PTHLH: variants seen among roughly 807,000 people sequenced by gnomAD.
The protein encoded by PTHLH is parathyroid hormone like hormone, also known as parathyroid hormone-related protein.
Under a neutral mutation model 18.6 loss-of-function variants are expected in PTHLH, and 5 were observed. That is an observed-to-expected ratio of 0.27 (90% CI 0.14 to 0.56). The LOEUF is 0.56. Ranked by LOEUF, PTHLH falls within the 20% of genes least tolerant of loss-of-function variation. The probability of loss-of-function intolerance (pLI) is 0.92; values close to 1 mark genes in which losing one functional copy is unlikely to be tolerated. For missense variants in PTHLH, 207 were observed against 223.9 expected, an observed-to-expected ratio of 0.92 and a Z score of 0.48; for synonymous variants, 90 against 94.0, an observed-to-expected ratio of 0.96 and a Z score of 0.25.
rs1486664242 is a variant in PTHLH at position 27,962,037 on chromosome 12, T to G, written c.524+1311A>C. Reference sequence around the variant, plus strand: ...GAAAAAAAAATCATTTCAATGGAAATGCATCGATAAAGAAGCAGGGCAAAC... The same window carrying G: ...GAAAAAAAAATCATTTCAATGGAAAGGCATCGATAAAGAAGCAGGGCAAAC... On this transcript the variant is annotated intron_variant, in intron 5 of 5. Transcript: ENST00000545234. 6 of 636,498 alleles carry G rather than the reference T, an allele frequency of 9.4e-6. No individual in the cohort carries two copies. In the African/African-American group the frequency reaches 1.1e-4, roughly 12 times the overall value. The allele number at this position is 636,498 out of a possible 1,614,324, so 39.4% of individuals were successfully genotyped here.
chr12:27,961,368 GATAGATAGATATAA>G (rs2062759323), intron 5 of PTHLH, among the ~76,000 whole-genome samples: 1 of 113,690 alleles, frequency 8.8e-6, no homozygotes, highest in Non-Finnish European at 1.9e-5. Context: ...CCCCTAGATA[GATAGATAGATATAA>G]ATAGATAGAT....
At chr12:27,966,742 A>T (rs1489753560) in intron 4 of PTHLH, among the ~76,000 whole-genome samples, 1 of 152,196 alleles carries the variant, frequency 6.6e-6, no homozygotes, top group Non-Finnish European at 1.5e-5. Flanking sequence ...TTTTGGGGAA[A>T]TGCTTATCAT....
chr12:27,962,200 C>A, intron 5 of PTHLH: 1 of 420,010 alleles, frequency 2.4e-6, no homozygotes, highest in Non-Finnish European at 4.2e-6. Context: ...TTAATATTTG[C>A]CCCACTTTTT....
intron 4 of PTHLH, among the ~76,000 whole-genome samples, chr12:27,968,304 T>C (rs1178021789): frequency 6.6e-6 from 1 of 152,356 alleles, no homozygotes; most frequent in African/African-American, 2.4e-5. Flanking sequence ...CACAAGCACG[T>C]ATAAAACAGT....
intron 5 of PTHLH, 59 bp downstream of exon 5, chr12:27,963,289 G>A: frequency 6.2e-7 from 1 of 1,613,552 alleles, no homozygotes; most frequent in Non-Finnish European, 8.5e-7. Flanking sequence ...GCAGAAGGGA[G>A]GCTCCAAAAC....
At chr12:27,963,154 A>T in intron 5 of PTHLH, 194 bp downstream of exon 5, 1 of 1,473,772 alleles carries the variant, frequency 6.8e-7, no homozygotes, top group Non-Finnish European at 9.0e-7. Context: ...GCTGGAGGAC[A>T]GGGGTGTGTG....
At chr12:27,969,586 C>G in intron 3 of PTHLH, 70 bp from the exon 4 acceptor site, 1 of 1,276,424 alleles carries the variant, frequency 7.8e-7, no homozygotes, top group Non-Finnish European at 1.1e-6. Context: ...CTCCGCTCCC[C>G]CTTTTTAGCC....
chr12:27,962,559 T>A, intron 5 of PTHLH: 5 of 985,472 alleles, frequency 5.1e-6, no homozygotes, highest in Non-Finnish European at 6.0e-6. Context: ...ATTACCTCAA[T>A]CTGTGAGCTA....
chr12:27,969,966 T>C (rs765118294), intron 3 of PTHLH, 59 bp downstream of exon 3: 2 of 519,088 alleles, frequency 3.9e-6, no homozygotes, highest in African/African-American at 3.8e-5. Flanking sequence ...AACCAGGCCC[T>C]TTCGTTCCAG....
At chr12:27,962,506 C>G in intron 5 of PTHLH, 1 of 977,620 alleles carries the variant, frequency 1.0e-6, no homozygotes, top group Non-Finnish European at 1.2e-6. Context: ...AGACCCAAGA[C>G]TTGGCCCTAA....
chr12:27,969,642 A>G (rs764163094), intron 3 of PTHLH, 126 bp from the exon 4 acceptor site: 6 of 896,900 alleles, frequency 6.7e-6, no homozygotes, highest in Non-Finnish European at 1.1e-5. Flanking sequence ...TCCCAAGTTG[A>G]AAAGAAAAAA....
chr12:27,963,533 C>T lies in PTHLH; in HGVS notation c.339G>A (p.Thr113=), dbSNP rs373901355. The T allele has an allele frequency of 7.7e-5, 125 of 1,614,026 alleles. No individual in the cohort carries two copies. The highest frequency in any genetic ancestry group is 9.2e-5 in the Non-Finnish European group (109 of 1,180,036). Residue 113 remains threonine (T), a synonymous_variant, in exon 5 of 6, where the codon ACG becomes ACA. Coordinates refer to ENST00000545234, the MANE Select transcript of PTHLH (RefSeq NM_198965.2). ...GTGTCTTGAGCGGCTGCTCTTTGTA[C>T]GTCTCCACCTTGTTAGTTTCCTGAG... is the stretch of plus-strand genomic sequence containing the variant. ...YLTQETNKVE[T]YKEQPLKTPG... is the part of the protein sequence containing the mutation.
intron 3 of PTHLH, 62 bp downstream of exon 3, chr12:27,969,963 C>G: frequency 1.9e-6 from 1 of 519,244 alleles, no homozygotes; most frequent in Admixed American, 1.9e-5. Context: ...GCGAACCAGG[C>G]CCTTTCGTTC....
intron 4 of PTHLH, among the ~76,000 whole-genome samples, chr12:27,964,350 A>C (rs1202597213): frequency 1.3e-5 from 2 of 152,124 alleles, no homozygotes; most frequent in Admixed American, 6.5e-5. Flanking sequence ...GAGTAAAAAC[A>C]AACAAAGGCT....
chr12:27,968,389 TTTA>T (rs2062835930), intron 4 of PTHLH, among the ~76,000 whole-genome samples: 1 of 152,210 alleles, frequency 6.6e-6, no homozygotes, highest in Admixed American at 6.5e-5. Context: ...TACTGCTATT[TTTA>T]TTGTTAGTGT....
At chr12:27,964,092 G>A (rs942888976) in intron 4 of PTHLH, among the ~76,000 whole-genome samples, 5 of 152,004 alleles carry the variant, frequency 3.3e-5, no homozygotes, top group African/African-American at 1.2e-4. Flanking sequence ...CTTCCTTCCC[G>A]GTTTAAAACA....
intron 5 of PTHLH, 143 bp downstream of exon 5, chr12:27,963,205 T>C: frequency 6.5e-7 from 1 of 1,536,488 alleles, no homozygotes; most frequent in Non-Finnish European, 8.7e-7. Flanking sequence ...ATATTCTGAG[T>C]TATTCTCTGT....
intron 5 of PTHLH, chr12:27,963,034 T>C (rs960168089): frequency 5.6e-6 from 7 of 1,243,948 alleles, no homozygotes; most frequent in African/African-American, 1.5e-5. Flanking sequence ...ATTATGAAGA[T>C]GGTCACTAGC....
intron 5 of PTHLH, 173 bp downstream of exon 5, chr12:27,963,175 G>T: frequency 4.7e-6 from 7 of 1,497,498 alleles, no homozygotes; most frequent in South Asian, 1.3e-5. Context: ...TGGTAGGGGG[G>T]TACTGCTTTA....
Sources: allele counts gnomAD v4.1 joint callset (sites outside exome capture counted in the v4.1 genomes callset), GRCh38; gene constraint gnomAD v4.1.1; transcripts MANE v1.5; gene names NCBI Gene and HGNC (gene_info 2026-07-23, HGNC 2026-07-21).